The following GFRAL variants were observed in gnomAD, a reference collection of about 807,000 sequenced individuals.
GFRAL encodes GDNF family receptor alpha-like.
GFRAL carries 36 observed loss-of-function variants against 45.4 expected under a neutral mutation model. That is an observed-to-expected ratio of 0.79 (90% CI 0.61 to 1.05). The LOEUF is 1.05. GFRAL is among the 50% of genes least tolerant of loss of function. GFRAL has a pLI of 0.00. For synonymous variants in GFRAL, 166 were observed against 154.1 expected (o/e 1.08, Z -0.57); for missense variants, 507 against 467.5 (o/e 1.08, Z -0.78).
chr6:55,369,261 T>TGC (rs1768415180), intron 6 of GFRAL, among the ~76,000 whole-genome samples: 2 of 152,190 alleles, frequency 1.3e-5, no homozygotes, highest in Non-Finnish European at 2.9e-5. Flanking sequence ...CCTGACCCCT[T>TGC]GCGCTTCCCA....
At chr6:55,345,773 GA>G (rs1487645820) in intron 3 of GFRAL, among the ~76,000 whole-genome samples, 1 of 151,994 alleles carries the variant, frequency 6.6e-6, no homozygotes, top group Admixed American at 6.6e-5. Context: ...CAGAATGGGA[GA>G]AAATTTTTGC....
chr6:55,350,433 G>A (rs1313154301), intron 4 of GFRAL, among the ~76,000 whole-genome samples: 1 of 152,092 alleles, frequency 6.6e-6, no homozygotes, highest in Non-Finnish European at 1.5e-5. Context: ...CCAGTACTGT[G>A]GGAGGCTGAG....
chr6:55,363,523 G>C (rs1768308216), intron 6 of GFRAL, among the ~76,000 whole-genome samples: 1 of 150,134 alleles, frequency 6.7e-6, no homozygotes, highest in Non-Finnish European at 1.5e-5. Flanking sequence ...TGCCATGCTG[G>C]TGCGCTGAAC....
chr6:55,373,335 G>C (rs1768478522), intron 6 of GFRAL, among the ~76,000 whole-genome samples: 1 of 151,968 alleles, frequency 6.6e-6, no homozygotes, highest in South Asian at 2.1e-4. Context: ...ACCCTCCTCG[G>C]GGAACATGGA....
intron 1 of GFRAL, among the ~76,000 whole-genome samples, 189 bp from the exon 2 acceptor site, chr6:55,331,526 T>C (rs2127349460): frequency 6.6e-6 from 1 of 152,238 alleles, no homozygotes; most frequent in African/African-American, 2.4e-5. Flanking sequence ...ATTTAAAATA[T>C]TCATTTAAGA....
chr6:55,388,681 C>T (rs1180920218), intron 6 of GFRAL, among the ~76,000 whole-genome samples: 3 of 152,178 alleles, frequency 2.0e-5, no homozygotes, highest in African/African-American at 7.2e-5. Flanking sequence ...GCACCCCTAC[C>T]CTAAAATGGA....
intron 2 of GFRAL, 126 bp from the exon 3 acceptor site, chr6:55,333,660 G>A: frequency 3.9e-6 from 2 of 514,718 alleles, no homozygotes; most frequent in Non-Finnish European, 6.5e-6. Context: ...ATATCTTGCA[G>A]CAACCCCAGA....
At chr6:55,328,893 A>G (rs1334312182) in intron 1 of GFRAL, among the ~76,000 whole-genome samples, 2 of 152,048 alleles carry the variant, frequency 1.3e-5, no homozygotes, top group Non-Finnish European at 2.9e-5. Context: ...CTTGTTTGAC[A>G]TTATCTAAAT....
At chr6:55,390,878 A>G (rs1415632998) in intron 6 of GFRAL, among the ~76,000 whole-genome samples, 1 of 133,384 alleles carries the variant, frequency 7.5e-6, no homozygotes, top group Non-Finnish European at 1.6e-5. Context: ...ACAGAGCGAG[A>G]CTCCATCTCA....
intron 6 of GFRAL, among the ~76,000 whole-genome samples, chr6:55,378,013 G>T (rs1768557169): frequency 6.6e-6 from 1 of 152,034 alleles, no homozygotes; most frequent in Admixed American, 6.6e-5. Flanking sequence ...ATTCATAGGA[G>T]AAGAAAGGGG....
At chr6:55,379,653 T>C (rs959619001) in intron 6 of GFRAL, among the ~76,000 whole-genome samples, 1 of 151,858 alleles carries the variant, frequency 6.6e-6, no homozygotes, top group Non-Finnish European at 1.5e-5. Context: ...CACATAGTTA[T>C]CATTTTTGTG....
intron 6 of GFRAL, among the ~76,000 whole-genome samples, chr6:55,388,656 C>G (rs1400390620): frequency 6.6e-6 from 1 of 152,196 alleles, no homozygotes; most frequent in African/African-American, 2.4e-5. Flanking sequence ...TTCTTTGGCC[C>G]AAACTGCCAT....
At chr6:55,385,715 A>C (rs1481426580) in intron 6 of GFRAL, among the ~76,000 whole-genome samples, 1 of 152,128 alleles carries the variant, frequency 6.6e-6, no homozygotes, top group Non-Finnish European at 1.5e-5. Flanking sequence ...GAACACAGGA[A>C]TATAATAAGA....
At chr6:55,399,735 A>G (rs1768871745) in intron 8 of GFRAL, among the ~76,000 whole-genome samples, 1 of 152,108 alleles carries the variant, frequency 6.6e-6, no homozygotes, top group Non-Finnish European at 1.5e-5. Context: ...TTCCCTACCA[A>G]ATCCAAATTG....
intron 6 of GFRAL, 113 bp downstream of exon 6, chr6:55,359,251 T>G: frequency 2.4e-6 from 2 of 846,924 alleles, no homozygotes; most frequent in South Asian, 4.0e-5. Flanking sequence ...CACAGACATT[T>G]TTGTGTTTGG....
chr6:55,375,652 G>C (rs931717552), intron 6 of GFRAL, among the ~76,000 whole-genome samples: 1 of 152,008 alleles, frequency 6.6e-6, no homozygotes, highest in African/African-American at 2.4e-5. Context: ...CCAATACTAT[G>C]TTGAATAGGA....
chr6:55,396,663 G>A (rs1768829237), intron 6 of GFRAL, among the ~76,000 whole-genome samples: 1 of 151,504 alleles, frequency 6.6e-6, no homozygotes, highest in Admixed American at 6.6e-5. Context: ...TTTGCTAAAG[G>A]TCTGTATGAT....
intron 6 of GFRAL, among the ~76,000 whole-genome samples, chr6:55,379,557 A>C (rs1768578397): frequency 8.3e-6 from 1 of 120,948 alleles, no homozygotes; most frequent in Non-Finnish European, 1.7e-5. Context: ...TACCATATGC[A>C]AGATGATGTT....
intron 6 of GFRAL, among the ~76,000 whole-genome samples, chr6:55,387,260 T>C (rs1371679146): frequency 6.6e-6 from 1 of 152,188 alleles, no homozygotes; most frequent in African/African-American, 2.4e-5. Flanking sequence ...CATGAAATCA[T>C]AGTATTATCT....
Sources: gnomAD v4.1 joint callset for allele counts (sites outside exome capture counted in the v4.1 genomes callset) on GRCh38, gnomAD v4.1.1 for gene constraint, MANE v1.5 for transcripts, NCBI Gene and HGNC (gene_info 2026-07-23, HGNC 2026-07-21) for gene names.